The following MRTFB variants were observed in gnomAD, a reference collection of about 807,000 sequenced individuals.
MRTFB encodes the protein myocardin related transcription factor B.
MRTFB carries 29 observed loss-of-function variants against 104.2 expected under a neutral mutation model. That is an observed-to-expected ratio of 0.28 (90% CI 0.21 to 0.38). MRTFB has a LOEUF of 0.38. Ranked by LOEUF, MRTFB falls within the 10% of genes least tolerant of loss-of-function variation. The probability of loss-of-function intolerance (pLI) is 1.00; values close to 1 mark genes in which losing one functional copy is unlikely to be tolerated. For missense variants in MRTFB, 1,270 were observed against 1,341.6 expected, an observed-to-expected ratio of 0.95 and a Z score of 0.83; for synonymous variants, 535 against 519.5, an observed-to-expected ratio of 1.03 and a Z score of -0.41.
At chr16:14,117,985 A>G (rs2036629309) in intron 2 of MRTFB, among the ~76,000 whole-genome samples, 1 of 152,144 alleles carries the variant, frequency 6.6e-6, no homozygotes, top group Admixed American at 6.6e-5. Context: ...TATAACCTCC[A>G]CCTAGCTTAG....
intron 6 of MRTFB, 34 bp downstream of exon 6, chr16:14,213,654 T>C: frequency 7.0e-7 from 1 of 1,424,302 alleles, no homozygotes. Context: ...TCTGCTGTAT[T>C]TTTTCAAGAA....
At chr16:14,146,907 A>C (rs956496110) in intron 3 of MRTFB, among the ~76,000 whole-genome samples, 1 of 152,242 alleles carries the variant, frequency 6.6e-6, no homozygotes, top group Admixed American at 6.5e-5. Context: ...TGGAGCAGAT[A>C]GCCAGACAGA....
At chr16:14,212,932 T>C (rs1284454096) in intron 5 of MRTFB, among the ~76,000 whole-genome samples, 1 of 152,244 alleles carries the variant, frequency 6.6e-6, no homozygotes, top group Non-Finnish European at 1.5e-5. Flanking sequence ...AAGATTTTTC[T>C]TTAAAAATGC....
intron 1 of MRTFB, among the ~76,000 whole-genome samples, chr16:14,075,878 G>T (rs2034013970): frequency 6.6e-6 from 1 of 152,086 alleles, no homozygotes; most frequent in African/African-American, 2.4e-5. Flanking sequence ...CTTTTTGCGA[G>T]GTGCTTTTAA....
chr16:14,256,287 A>T (rs1377703475), intron 15 of MRTFB, among the ~76,000 whole-genome samples: 1 of 152,132 alleles, frequency 6.6e-6, no homozygotes, highest in Non-Finnish European at 1.5e-5. Context: ...TAATTATAAC[A>T]CATATGACTA....
chr16:14,223,010 A>T (rs1478739140), intron 8 of MRTFB, among the ~76,000 whole-genome samples: 1 of 151,882 alleles, frequency 6.6e-6, no homozygotes, highest in African/African-American at 2.4e-5. Flanking sequence ...GCAAAATCCC[A>T]TTTAAAAAAA....
Position 14,246,826 on chromosome 16 carries a change from G to A in MRTFB, c.1566G>A (p.Met522Ile). Residue 522 changes from methionine to isoleucine, a missense_variant, in exon 12 of 17, where the codon ATG (methionine) becomes ATA (isoleucine). Around this residue, in one of 3 missense-constraint regions of MRTFB, gnomAD observed 1,144 missense variants for 1,131.5 expected, o/e 1.01. Transcript: ENST00000571589. ...GTCTCAGTACTGATGACACAAACAT[G>A]GCAGACACTTTCACCGAGATTATGA... ...QSSLSTDDTN[M>I]ADTFTEIMTM... 1 of 1,612,510 alleles carries A rather than the reference G, an allele frequency of 6.2e-7. No homozygotes were observed. The highest frequency in any genetic ancestry group is 8.5e-7 in the Non-Finnish European group (1 of 1,179,960).
intron 3 of MRTFB, among the ~76,000 whole-genome samples, chr16:14,147,083 G>A (rs72785406): frequency 0.041 from 6,265 of 152,246 alleles, 181 homozygotes; most frequent in Middle Eastern, 0.068. Context: ...TTAGGATCTG[G>A]AGTGTTTCAT....
At chr16:14,194,474 CA>C (rs1323018140) in intron 3 of MRTFB, among the ~76,000 whole-genome samples, 22 of 152,174 alleles carry the variant, frequency 1.4e-4, no homozygotes, top group African/African-American at 5.3e-4. Context: ...TTTCCAAATG[CA>C]GTCACATTGG....
Position 14,140,533 on chromosome 16 carries a change from T to C in MRTFB, c.-63-11T>C. 1 of 1,553,484 alleles carries C rather than the reference T, an allele frequency of 6.4e-7. No individual in the cohort carries two copies. The highest frequency in any genetic ancestry group is 8.8e-7 in the Non-Finnish European group (1 of 1,137,618). ...CTGCACCATCTCTTTACACATTCTT[T>C]ATTTTGGCAGTGTCTTCAATAGGCC... is the stretch of plus-strand genomic sequence containing the variant. On this transcript the variant is annotated splice_polypyrimidine_tract_variant and intron_variant, in intron 2 of 16. Transcript: ENST00000571589.
Position 14,266,296 on chromosome 16 carries a change from T to G in MRTFB, c.*4852T>G, listed in dbSNP as rs1316977737. ...AGTAACATTCAGTAGTAATACAAAG[T>G]TTTTTTTCTATGTAGAAATTAGTTT... On this transcript the variant is annotated 3_prime_UTR_variant, in exon 17 of 17. Coordinates refer to ENST00000571589, the MANE Select transcript of MRTFB (RefSeq NM_001308142.2). The G allele has an allele frequency of 1.3e-5, 2 of 152,118 alleles. No homozygotes were observed. Among genetic ancestry groups the G allele is most frequent in the African/African-American group, 2.4e-5 (1 of 41,410 alleles). 9.4% of individuals were successfully genotyped at this position (152,118 alleles called of 1,614,324 possible).
chr16:14,213,536 T>G lies in MRTFB; in HGVS notation c.277-9T>G. On this transcript the variant is annotated splice_polypyrimidine_tract_variant and intron_variant, in intron 5 of 16. Transcript: ENST00000571589. ...ATGATTTATGGTAAGACTTTTTTTC[T>G]TTTTAAAGACTGAAAACTTTTTGAA... 1.3e-6 allele frequency: 2 copies of G among 1,585,522 alleles called. No homozygotes were observed. Among genetic ancestry groups the G allele is most frequent in the Non-Finnish European group, 1.7e-6 (2 of 1,168,132 alleles).
chr16:14,171,119 G>T (rs541260340), intron 3 of MRTFB, among the ~76,000 whole-genome samples: 1 of 152,132 alleles, frequency 6.6e-6, no homozygotes, highest in East Asian at 1.9e-4. Context: ...TTGCATTCTG[G>T]CACAACAAAA....
chr16:14,028,597 C>A, the MRTFB span, among the ~76,000 whole-genome samples: 1 of 152,202 alleles, frequency 6.6e-6, no homozygotes. Flanking sequence ...CAAGCCTGGG[C>A]TAAGAACTGC....
chr16:14,028,178 A>C, the MRTFB span, among the ~76,000 whole-genome samples: 1 of 151,646 alleles, frequency 6.6e-6, no homozygotes, highest in Admixed American at 6.6e-5. Context: ...CTCCATCTCA[A>C]AAAACAAAAA....
intron 2 of MRTFB, among the ~76,000 whole-genome samples, chr16:14,124,849 G>A (rs2037030638): frequency 6.6e-6 from 1 of 152,226 alleles, no homozygotes; most frequent in East Asian, 1.9e-4. Context: ...GTATTAACAT[G>A]TGTTAACCCT....
At chr16:14,217,047 C>A in intron 6 of MRTFB, 79 bp from the exon 7 acceptor site, 1 of 1,395,720 alleles carries the variant, frequency 7.2e-7, no homozygotes, top group Non-Finnish European at 9.6e-7. Flanking sequence ...AGTTTAAATT[C>A]AGTTTGTTGG....
chr16:14,204,917 A>G (rs2040873102), intron 3 of MRTFB, among the ~76,000 whole-genome samples: 2 of 152,252 alleles, frequency 1.3e-5, no homozygotes, highest in South Asian at 4.1e-4. Flanking sequence ...AACTTTATAC[A>G]CAAAAATTGC....
At chr16:14,174,639 C>T (rs2039524418) in intron 3 of MRTFB, among the ~76,000 whole-genome samples, 1 of 152,228 alleles carries the variant, frequency 6.6e-6, no homozygotes. Flanking sequence ...GCCAAAATCA[C>T]ACGACCACAC....
Sources: allele counts gnomAD v4.1 joint callset (sites outside exome capture counted in the v4.1 genomes callset), GRCh38; gene constraint gnomAD v4.1.1; regional missense constraint gnomAD v4.1.1; transcripts MANE v1.5; gene names NCBI Gene and HGNC (gene_info 2026-07-23, HGNC 2026-07-21).